AGAP1: variants seen among roughly 807,000 people sequenced by gnomAD.
AGAP1 encodes the protein arf-GAP with GTPase, ANK repeat and PH domain-containing protein 1.
AGAP1 carries 29 observed loss-of-function variants against 105.3 expected under a neutral mutation model. The ratio of observed to expected loss-of-function variants is 0.28; its 90% CI spans 0.21 to 0.38. The LOEUF (loss-of-function observed/expected upper bound fraction) is 0.38. Ranked by LOEUF, AGAP1 falls within the 10% of genes least tolerant of loss-of-function variation. The pLI is 1.00. For missense variants in AGAP1, 998 were observed against 1,165.1 expected (o/e 0.86, Z 2.09); for synonymous variants, 509 against 485.9 (o/e 1.05, Z -0.63).
In AGAP1 at chr2:235,732,164, T is replaced by C. The variant is rs1012807109; in HGVS notation, c.311-8799T>C. Among the ~76,000 whole-genome samples, 1 of 152,352 alleles carries C rather than the reference T, an allele frequency of 6.6e-6. No homozygotes were observed. The highest frequency in any genetic ancestry group is 2.1e-4 in the South Asian group (1 of 4,830). On this transcript the variant is annotated intron_variant, in intron 3 of 17. Transcript: ENST00000304032. The surrounding 1 kb of genome is among the most constrained non-coding windows in gnomAD (Gnocchi z 4.8). ...TTGTCTTTTATCTTCGAATAGTCTT[T>C]GAGTTCTTTTGTTGTGGATGTGTTG...
At position 235,989,802 on chromosome 2, in the gene AGAP1, G is replaced by A. The variant is rs754004755; in HGVS notation, c.1645+21179G>A. 3.9e-5 allele frequency among the ~76,000 whole-genome samples: 6 copies of A among 152,182 alleles called. No homozygotes were observed. Among genetic ancestry groups the A allele is most frequent in the Admixed American group, 1.3e-4 (2 of 15,280 alleles). ...GCGGGAGACGTGCATGGAGTGGAAC[G>A]GTCACAGCAGCAGCTCACAGGGAGG... On this transcript the variant is annotated intron_variant, in intron 13 of 17. Transcript: ENST00000304032. This position sits in a 1 kb window ranked among gnomAD's most constrained non-coding sequence, Gnocchi z 4.4.
chr2:235,510,532 A>G (rs1434024864), intron 1 of AGAP1, among the ~76,000 whole-genome samples: 1 of 152,176 alleles, frequency 6.6e-6, no homozygotes, highest in African/African-American at 2.4e-5. Context: ...TCATATGGGC[A>G]CGTGCTTTCA....
intron 9 of AGAP1, among the ~76,000 whole-genome samples, chr2:235,823,685 T>G (rs184589076): frequency 1.3e-5 from 2 of 152,370 alleles, no homozygotes; most frequent in East Asian, 1.9e-4. Flanking sequence ...TTTACTGTTT[T>G]GACCCAGATA....
rs572628790 is a variant in AGAP1 at position 235,659,521 on chromosome 2, T to G, written c.164-49658T>G. On this transcript the variant is annotated intron_variant, in intron 1 of 17. Coordinates refer to ENST00000304032, the MANE Select transcript of AGAP1 (RefSeq NM_001037131.3). The surrounding 1 kb of genome is among the most constrained non-coding windows in gnomAD (Gnocchi z 5.0). ...GTCAGGGTGCTATATGAACACATGT[T>G]TTGTGGGTCACTTGCCAGGCGTCAG... 6.6e-6 allele frequency among the ~76,000 whole-genome samples: 1 copy of G among 152,284 alleles called. No individual in the cohort carries two copies. The highest frequency in any genetic ancestry group is 6.5e-5 in the Admixed American group (1 of 15,294).
intron 1 of AGAP1, among the ~76,000 whole-genome samples, chr2:235,597,158 T>G (rs1322044144): frequency 6.6e-6 from 1 of 152,224 alleles, no homozygotes. Context: ...TGTGGAAAGA[T>G]GCCCCTTCAA....
intron 10 of AGAP1, among the ~76,000 whole-genome samples, chr2:235,898,205 A>G (rs1027406525): frequency 6.6e-6 from 1 of 152,216 alleles, no homozygotes; most frequent in Non-Finnish European, 1.5e-5. Context: ...TTATGGCTTT[A>G]AAATTAGTGT....
intron 16 of AGAP1, among the ~76,000 whole-genome samples, chr2:236,064,584 G>T (rs1469316113): frequency 6.6e-6 from 1 of 152,110 alleles, no homozygotes; most frequent in African/African-American, 2.4e-5. Context: ...CAACAGAGCG[G>T]GACTCCGTCT....
chr2:235,617,408 A>G (rs781015920), intron 1 of AGAP1, among the ~76,000 whole-genome samples: 24 of 152,226 alleles, frequency 1.6e-4, no homozygotes, highest in Non-Finnish European at 2.8e-4. Flanking sequence ...GTTGTAAAGA[A>G]CATTTGTTTT....
At chr2:235,949,557 A>T (rs777858464) in intron 12 of AGAP1, among the ~76,000 whole-genome samples, 6 of 152,090 alleles carry the variant, frequency 3.9e-5, no homozygotes, top group Admixed American at 6.5e-5. Context: ...AATCCCTCGA[A>T]CACCCAAGGC....
chr2:235,516,062 C>CTGCTGG (rs1437034071), intron 1 of AGAP1, among the ~76,000 whole-genome samples: 3 of 95,852 alleles, frequency 3.1e-5, no homozygotes, highest in Non-Finnish European at 6.5e-5. Context: ...TCCTCTGCTG[C>CTGCTGG]TGCTGCTGCT....
At chr2:235,718,092 C>G (rs927664572) in intron 3 of AGAP1, among the ~76,000 whole-genome samples, 1 of 152,124 alleles carries the variant, frequency 6.6e-6, no homozygotes. Context: ...ATGTTTCCCC[C>G]CTTATATTAT....
intron 10 of AGAP1, among the ~76,000 whole-genome samples, chr2:235,885,975 T>G (rs1170356524): frequency 2.6e-5 from 4 of 152,210 alleles, no homozygotes; most frequent in African/African-American, 9.7e-5. Flanking sequence ...CGAAGAGATG[T>G]AATACCCATT....
rs996076940 is a variant in AGAP1 at position 235,971,527 on chromosome 2, C to T, written c.1645+2904C>T. Among the ~76,000 whole-genome samples, 1 of 151,908 alleles carries T rather than the reference C, an allele frequency of 6.6e-6. No individual in the cohort carries two copies. Among genetic ancestry groups the T allele is most frequent in the South Asian group, 2.1e-4 (1 of 4,824 alleles). On this transcript the variant is annotated intron_variant, in intron 13 of 17. Coordinates refer to ENST00000304032, the MANE Select transcript of AGAP1 (RefSeq NM_001037131.3). The surrounding 1 kb of genome is among the most constrained non-coding windows in gnomAD (Gnocchi z 4.8). Reference sequence around the variant, plus strand: ...CATCCTGGCTAACACAATGAAACCCCGTCTCTACTAAAAATACAAAAATTA... The same window carrying T: ...CATCCTGGCTAACACAATGAAACCCTGTCTCTACTAAAAATACAAAAATTA...
intron 10 of AGAP1, among the ~76,000 whole-genome samples, chr2:235,903,279 CT>C (rs1559627829): frequency 6.6e-6 from 1 of 152,024 alleles, no homozygotes; most frequent in African/African-American, 2.4e-5. Flanking sequence ...AGTCTTAATA[CT>C]TTTTTGAAGT....
At chr2:235,524,870 C>T (rs1422203782) in intron 1 of AGAP1, among the ~76,000 whole-genome samples, 2 of 152,204 alleles carry the variant, frequency 1.3e-5, no homozygotes, top group Admixed American at 6.5e-5. Flanking sequence ...GGATATTGCT[C>T]ACCAGCTAGT....
chr2:235,516,350 T>C (rs569337407), intron 1 of AGAP1, among the ~76,000 whole-genome samples: 16 of 152,274 alleles, frequency 1.1e-4, no homozygotes, highest in Admixed American at 9.2e-4. Flanking sequence ...AGCATTATTA[T>C]TATTTTTTTT....
In AGAP1 at chr2:236,062,658, GTTTGTT is replaced by G. The variant is rs563052950; in HGVS notation, c.2114+13385_2114+13390del. Among the ~76,000 whole-genome samples, 270 of 148,800 alleles carry G rather than the reference GTTTGTT, an allele frequency of 1.8e-3. 1 individual carries two copies. The highest frequency in any genetic ancestry group is 6.2e-3 in the African/African-American group (241 of 38,730). On this transcript the variant is annotated intron_variant, in intron 16 of 17. Transcript: ENST00000304032. This position sits in a 1 kb window ranked among gnomAD's most constrained non-coding sequence, Gnocchi z 4.2. ...ACTCAGCTATTTTGTTTGTTTGTTT[GTTTGTT>G]TTTGTTTGTTTGTTTGAGATGGAAT...
intron 3 of AGAP1, among the ~76,000 whole-genome samples, chr2:235,735,124 CAG>C (rs1242716998): frequency 2.0e-5 from 3 of 152,090 alleles, no homozygotes; most frequent in Non-Finnish European, 2.9e-5. Flanking sequence ...TGCGGGCTAA[CAG>C]AGATGATGTG....
rs1943953438 is a variant in AGAP1 at position 235,555,770 on chromosome 2, C to T, written c.163+60921C>T. Reference sequence around the variant, plus strand: ...TGGCTGAAGTGCTCAGGAGAGGAGACTTTGGGGGTCATCACTCATTTCTGA... The same window carrying T: ...TGGCTGAAGTGCTCAGGAGAGGAGATTTTGGGGGTCATCACTCATTTCTGA... On this transcript the variant is annotated intron_variant, in intron 1 of 17. Coordinates refer to ENST00000304032, the MANE Select transcript of AGAP1 (RefSeq NM_001037131.3). The surrounding 1 kb of genome is among the most constrained non-coding windows in gnomAD (Gnocchi z 5.1). Among the ~76,000 whole-genome samples, 1 of 152,150 alleles carries T rather than the reference C, an allele frequency of 6.6e-6. No individual in the cohort carries two copies. Among genetic ancestry groups the T allele is most frequent in the Admixed American group, 6.5e-5 (1 of 15,272 alleles).
Sources: gnomAD v4.1 joint callset for allele counts (sites outside exome capture counted in the v4.1 genomes callset) on GRCh38, gnomAD v4.1.1 for gene constraint, Gnocchi (gnomAD v3.1) non-coding constraint, MANE v1.5 for transcripts, NCBI Gene and HGNC (gene_info 2026-07-23, HGNC 2026-07-21) for gene names.